ABLIM1: variants seen among roughly 807,000 people sequenced by gnomAD.
The protein encoded by ABLIM1 is actin binding LIM protein 1.
ABLIM1 carries 40 observed loss-of-function variants against 107.0 expected under a neutral mutation model. The ratio of observed to expected loss-of-function variants is 0.37; its 90% confidence interval spans 0.29 to 0.49. The LOEUF (loss-of-function observed/expected upper bound fraction) is 0.49, where lower values mean the gene tolerates loss of function less well. ABLIM1 is among the 20% of genes least tolerant of loss of function. ABLIM1 has a pLI of 0.97. For missense variants in ABLIM1, 857 were observed against 1,008.5 expected (o/e 0.85, Z 2.04); for synonymous variants, 357 against 357.3 (o/e 1.00, Z 0.01).
chr10:114,708,649 T>G (rs2081477105), intron 1 of ABLIM1, among the ~76,000 whole-genome samples: 2 of 152,090 alleles, frequency 1.3e-5, no homozygotes, highest in African/African-American at 4.8e-5. Context: ...CATCTATATT[T>G]GGGGGATAAA....
At chr10:114,528,127 C>T (rs538968584) in intron 6 of ABLIM1, among the ~76,000 whole-genome samples, 24 of 152,152 alleles carry the variant, frequency 1.6e-4, no homozygotes, top group African/African-American at 4.8e-4. Context: ...TGAGCCACTG[C>T]GCCCGGCAAT....
upstream of ABLIM1, among the ~76,000 whole-genome samples, chr10:114,689,705 CTTCCT>C (rs1405361502): frequency 2.0e-5 from 3 of 151,762 alleles, no homozygotes; most frequent in Non-Finnish European, 4.4e-5. Context: ...TCCTTGCCTC[CTTCCT>C]TTCCTTTTTT....
chr10:114,633,829 C>T (rs1295652781), intron 1 of ABLIM1, among the ~76,000 whole-genome samples: 4 of 152,178 alleles, frequency 2.6e-5, no homozygotes, highest in Non-Finnish European at 5.9e-5. Flanking sequence ...GCAAAATTAA[C>T]TGCAGAGAGC....
intron 7 of ABLIM1, among the ~76,000 whole-genome samples, chr10:114,489,657 C>T (rs1288838161): frequency 6.6e-6 from 1 of 152,152 alleles, no homozygotes; most frequent in Non-Finnish European, 1.5e-5. Context: ...TCAGGAGAAG[C>T]ATTCGCCGTG....
chr10:114,669,463 A>C (rs957624289), intron 1 of ABLIM1, among the ~76,000 whole-genome samples: 16 of 152,222 alleles, frequency 1.1e-4, no homozygotes, highest in Admixed American at 8.5e-4. Flanking sequence ...ATTCCAGGGA[A>C]TATTACCCCT....
At chr10:114,624,726 T>C (rs555137201) in intron 1 of ABLIM1, among the ~76,000 whole-genome samples, 3 of 152,310 alleles carry the variant, frequency 2.0e-5, no homozygotes, top group African/African-American at 7.2e-5. Flanking sequence ...ATAAACATTT[T>C]TTAGACATCA....
chr10:114,575,284 G>C (rs1391796928), intron 3 of ABLIM1, 132 bp downstream of exon 3: 3 of 1,024,100 alleles, frequency 2.9e-6, no homozygotes, highest in Non-Finnish European at 4.3e-6. Flanking sequence ...TGATAGTACA[G>C]TAAGAAAGAA....
At chr10:114,512,253 A>G (rs186606716) in intron 6 of ABLIM1, among the ~76,000 whole-genome samples, 1 of 152,376 alleles carries the variant, frequency 6.6e-6, no homozygotes, top group African/African-American at 2.4e-5. Flanking sequence ...AAAATGTGTT[A>G]CAATCCAATG....
chr10:114,763,967 T>C (rs1173031284), intron 1 of ABLIM1, among the ~76,000 whole-genome samples: 1 of 152,156 alleles, frequency 6.6e-6, no homozygotes, highest in African/African-American at 2.4e-5. Context: ...AATCTAGTGG[T>C]CCTTAGAATC....
intron 1 of ABLIM1, among the ~76,000 whole-genome samples, chr10:114,655,697 T>A (rs2141162688): frequency 6.6e-6 from 1 of 152,344 alleles, no homozygotes; most frequent in East Asian, 1.9e-4. Flanking sequence ...CAGCTGGTTC[T>A]GAACAAAGTC....
rs568098361 is a variant in ABLIM1, at chr10:114,585,210, G to A, written c.380-9611C>T. 7.6e-4 allele frequency among the ~76,000 whole-genome samples: 115 copies of A among 152,204 alleles called. 2 individuals carry two copies. In the South Asian group the frequency reaches 0.018, roughly 23 times the overall value. On this transcript the variant is annotated intron_variant, in intron 2 of 22. Transcript: ENST00000533213. ...AACTAGGCCACACATTTAAATTTTGGACTCAAAGGTAAGTTTTATTAACGT... is the reference window on the plus strand; with the variant it reads ...AACTAGGCCACACATTTAAATTTTGAACTCAAAGGTAAGTTTTATTAACGT...
chr10:114,627,059 C>T (rs1204179809), intron 1 of ABLIM1, among the ~76,000 whole-genome samples: 1 of 152,204 alleles, frequency 6.6e-6, no homozygotes, highest in African/African-American at 2.4e-5. Flanking sequence ...CAATACATTT[C>T]TGTGGTTTAA....
chr10:114,577,566 G>A (rs1010416799), intron 2 of ABLIM1, among the ~76,000 whole-genome samples: 3 of 152,054 alleles, frequency 2.0e-5, no homozygotes, highest in African/African-American at 7.2e-5. Context: ...GCTTTCTTAG[G>A]GCACCTGTCT....
intron 1 of ABLIM1, among the ~76,000 whole-genome samples, chr10:114,750,082 A>T (rs934426461): frequency 5.3e-5 from 8 of 152,028 alleles, no homozygotes; most frequent in East Asian, 1.9e-4. Context: ...ATTTTTTTTT[A>T]AAAATCTGTT....
chr10:114,502,302 C>A, intron 6 of ABLIM1: 1 of 162,450 alleles, frequency 6.2e-6, no homozygotes, highest in East Asian at 1.6e-4. Context: ...TCTGATGTTC[C>A]CTGACCAGGC....
intron 1 of ABLIM1, among the ~76,000 whole-genome samples, chr10:114,721,439 T>C (rs2081845286): frequency 6.6e-6 from 1 of 152,040 alleles, no homozygotes; most frequent in African/African-American, 2.4e-5. Context: ...GGGGCATCCT[T>C]GGTGAATGGC....
the ABLIM1 span, among the ~76,000 whole-genome samples, chr10:114,775,501 T>G: frequency 6.6e-6 from 1 of 152,162 alleles, no homozygotes; most frequent in African/African-American, 2.4e-5. Context: ...ATGACTGGAT[T>G]ATCATTCTGA....
intron 1 of ABLIM1, chr10:114,631,849 C>A (rs1591669113): frequency 7.7e-7 from 1 of 1,298,852 alleles, no homozygotes; most frequent in East Asian, 5.8e-5. Flanking sequence ...CCGAGCCCTG[C>A]GGTGCCATTC....
chr10:114,791,929 C>A, the ABLIM1 span, among the ~76,000 whole-genome samples: 9 of 152,306 alleles, frequency 5.9e-5, no homozygotes, highest in African/African-American at 1.7e-4. Flanking sequence ...ATGTGCCTGG[C>A]ACTGTCTCAA....
Sources: gnomAD v4.1 joint callset for allele counts (sites outside exome capture counted in the v4.1 genomes callset) on GRCh38, gnomAD v4.1.1 for gene constraint, MANE v1.5 for transcripts, NCBI Gene and HGNC (gene_info 2026-07-23, HGNC 2026-07-21) for gene names.